GRM4: variants seen among roughly 807,000 people sequenced by gnomAD.
GRM4 encodes glutamate metabotropic receptor 4.
A neutral mutation model predicts 81.7 loss-of-function variants in GRM4; 28 were observed. That is an observed-to-expected ratio of 0.34 (90% CI 0.25 to 0.47). GRM4 has a LOEUF of 0.47. Among genes scored for constraint, GRM4 ranks in the 20% least tolerant of loss-of-function variants. The pLI is 1.00. For missense variants in GRM4, 948 were observed against 1,290.0 expected (o/e 0.73, Z 4.06); for synonymous variants, 488 against 528.8 (o/e 0.92, Z 1.06).
Position 34,092,390 on chromosome 6 carries a change from T to C in GRM4, c.520-291A>G, listed in dbSNP as rs147112882. Among the ~76,000 whole-genome samples, 1 of 152,032 alleles carries C rather than the reference T, an allele frequency of 6.6e-6. No individual in the cohort carries two copies. The highest frequency in any genetic ancestry group is 2.4e-5 in the African/African-American group (1 of 41,454). ...GGCTGCCTAAATTTACACAAAGAGC[T>C]CAAAGATCCCAGCCCAGGGAAAATC... On this transcript the variant is annotated intron_variant, in intron 2 of 10. Transcript: ENST00000538487. This position sits in a 1 kb window ranked among gnomAD's most constrained non-coding sequence, Gnocchi z 6.8.
At chr6:34,049,192 A>G (rs1765493872) in intron 6 of GRM4, among the ~76,000 whole-genome samples, 1 of 151,306 alleles carries the variant, frequency 6.6e-6, no homozygotes, top group Admixed American at 6.6e-5. Flanking sequence ...TTTTGCACCC[A>G]CCTCTCTAAG....
chr6:34,122,560 C>T (rs933489144), intron 2 of GRM4, among the ~76,000 whole-genome samples: 1 of 150,232 alleles, frequency 6.7e-6, no homozygotes, highest in Non-Finnish European at 1.5e-5. Context: ...CATAAAAATG[C>T]TAGTTTAGAA....
In GRM4 at chr6:34,059,074, C is replaced by T; in HGVS notation, c.927G>A (p.Met309Ile). ...RANQTGHFFWMGSDSWGSKIA... is the reference protein window; with the variant it reads ...RANQTGHFFWIGSDSWGSKIA... ...TCTTGGAGCCCCAGCTGTCAGAGCC[C>T]ATCCAGAAGAAATGGCCTGTCTGGT... The change falls in exon 5 of 11, where the codon ATG becomes ATA. Residue 309 changes from methionine (M) to isoleucine (I), a missense_variant. Met to Ile is a conservative substitution (Grantham distance 10). Transcript: ENST00000538487. The surrounding 1 kb of genome is among the most constrained non-coding windows in gnomAD (Gnocchi z 5.7). 6.2e-7 allele frequency: 1 copy of T among 1,613,954 alleles called. No homozygotes were observed.
intron 1 of GRM4, among the ~76,000 whole-genome samples, chr6:34,138,461 C>T (rs756291933): frequency 6.6e-6 from 1 of 152,206 alleles, no homozygotes; most frequent in Non-Finnish European, 1.5e-5. Context: ...TGTTTAGATG[C>T]CTCATCACCC....
intron 2 of GRM4, among the ~76,000 whole-genome samples, chr6:34,127,665 G>A (rs759979286): frequency 4.7e-4 from 71 of 152,156 alleles, no homozygotes; most frequent in Non-Finnish European, 8.7e-4. Flanking sequence ...GTAATGGGCT[G>A]GGTAAGAGAC....
rs1357528165 is a variant in GRM4 at position 34,024,479 on chromosome 6, G to C, written c.2690-1609C>G. On this transcript the variant is annotated intron_variant, in intron 10 of 10. Transcript: ENST00000538487. ...ACATCTGTCTGATTTGAGCTGCTCAGTTCTGGGACCTCTTTGTCACAGCAG... is the reference window on the plus strand; with the variant it reads ...ACATCTGTCTGATTTGAGCTGCTCACTTCTGGGACCTCTTTGTCACAGCAG... The C allele has an allele frequency of 1.7e-5, 6 of 359,016 alleles. No individual in the cohort carries two copies. The East Asian group carries it at 4.4e-4, about 27-fold the overall frequency. 22.2% of individuals were successfully genotyped at this position (359,016 alleles called of 1,614,324 possible). A position where few individuals can be genotyped will look rare whatever the true frequency, so the allele number is the denominator to read the frequency against.
At chr6:34,052,780 G>C (rs1209804084) in intron 6 of GRM4, among the ~76,000 whole-genome samples, 1 of 152,198 alleles carries the variant, frequency 6.6e-6, no homozygotes. Context: ...GGAAGGGCAG[G>C]GGTGGGCACT....
chr6:34,092,792 G>A lies in GRM4; in HGVS notation c.520-693C>T, dbSNP rs1768308547. Among the ~76,000 whole-genome samples the A allele has an allele frequency of 6.6e-6, 1 of 152,070 alleles. No individual in the cohort carries two copies. On this transcript the variant is annotated intron_variant, in intron 2 of 10. Coordinates refer to ENST00000538487, the MANE Select transcript of GRM4 (RefSeq NM_000841.4). This position sits in a 1 kb window ranked among gnomAD's most constrained non-coding sequence, Gnocchi z 6.8. ...CCCGGGGCCCTGCCCCAGCCCCGGG[G>A]CTTTCCAGTCACGGGGCATCTTCCC...
At chr6:34,101,503 TAC>T (rs530730728) in intron 2 of GRM4, among the ~76,000 whole-genome samples, 2 of 152,260 alleles carry the variant, frequency 1.3e-5, no homozygotes, top group African/African-American at 4.8e-5. Flanking sequence ...ATGCAACATC[TAC>T]ACACACACAC....
At position 34,069,580 on chromosome 6, in the gene GRM4, C is replaced by T. The variant is rs557875273; in HGVS notation, c.737-7552G>A. ...CCCCATCTGCTCCTGCGTGTGACCC[C>T]GCTCCCCAGCTCATCAGTCTCCAGC... On this transcript the variant is annotated intron_variant, in intron 3 of 10. Transcript: ENST00000538487. This position sits in a 1 kb window ranked among gnomAD's most constrained non-coding sequence, Gnocchi z 6.4. Among the ~76,000 whole-genome samples, 1 of 152,218 alleles carries T rather than the reference C, an allele frequency of 6.6e-6. No individual in the cohort carries two copies. The highest frequency in any genetic ancestry group is 2.4e-5 in the African/African-American group (1 of 41,536).
intron 2 of GRM4, among the ~76,000 whole-genome samples, chr6:34,105,616 C>T (rs1377651130): frequency 2.0e-5 from 3 of 152,148 alleles, no homozygotes; most frequent in South Asian, 2.1e-4. Context: ...CCACTCACTC[C>T]CTGGGGCCTG....
In GRM4 at chr6:34,080,226, A is replaced by G. The variant is rs1030960700; in HGVS notation, c.736+11657T>C. 7.9e-5 allele frequency among the ~76,000 whole-genome samples: 12 copies of G among 152,346 alleles called. No individual in the cohort carries two copies. Among genetic ancestry groups the G allele is most frequent in the Admixed American group, 7.2e-4 (11 of 15,308 alleles). On this transcript the variant is annotated intron_variant, in intron 3 of 10. Transcript: ENST00000538487. This position sits in a 1 kb window ranked among gnomAD's most constrained non-coding sequence, Gnocchi z 5.4. ...CCAAAAGTCACCCCTGCAGAAAGCCAGGGTGAGGACCGAAAGGCCGTCAAC... is the reference window on the plus strand; with the variant it reads ...CCAAAAGTCACCCCTGCAGAAAGCCGGGGTGAGGACCGAAAGGCCGTCAAC...
At chr6:34,067,325 A>G (rs374519326) in intron 3 of GRM4, among the ~76,000 whole-genome samples, 144 of 150,884 alleles carry the variant, frequency 9.5e-4, no homozygotes, top group African/African-American at 3.4e-3. Context: ...GGTCAGGTCT[A>G]TGTCCTTTCT....
chr6:34,022,530 G>A lies in GRM4; in HGVS notation c.*291C>T. Reference sequence around the variant, plus strand: ...AAGGGAGGGAGAGATCTAGCACTGGGGCCCACACGACCTGAGCCCCTGTGG... The same window carrying A: ...AAGGGAGGGAGAGATCTAGCACTGGAGCCCACACGACCTGAGCCCCTGTGG... On this transcript the variant is annotated 3_prime_UTR_variant, in exon 11 of 11. Transcript: ENST00000538487. The surrounding 1 kb of genome is among the most constrained non-coding windows in gnomAD (Gnocchi z 5.6). The A allele has an allele frequency of 4.0e-6, 2 of 495,664 alleles. No individual in the cohort carries two copies. Among genetic ancestry groups the A allele is most frequent in the Admixed American group, 3.3e-5 (1 of 29,998 alleles). 30.7% of individuals were successfully genotyped at this position (495,664 alleles called of 1,614,324 possible).
intron 10 of GRM4, among the ~76,000 whole-genome samples, chr6:34,026,838 G>C (rs1764156761): frequency 6.6e-6 from 1 of 152,186 alleles, no homozygotes; most frequent in Non-Finnish European, 1.5e-5. Flanking sequence ...AGGAGCACTG[G>C]GGAAAAGCAT....
chr6:34,088,469 A>C (rs193015750), intron 3 of GRM4, among the ~76,000 whole-genome samples: 1 of 152,320 alleles, frequency 6.6e-6, no homozygotes, highest in East Asian at 1.9e-4. Context: ...CACAGATAAG[A>C]AACTGAGCCC....
chr6:34,137,772 T>G lies in GRM4; in HGVS notation c.-363-3913A>C, dbSNP rs982269124. Among the ~76,000 whole-genome samples the G allele has an allele frequency of 1.1e-4, 13 of 122,884 alleles. No homozygotes were observed. In the South Asian group the frequency reaches 1.1e-3, roughly 10 times the overall value. 80.6% of individuals were successfully genotyped at this position (122,884 alleles called of 152,430 possible). On this transcript the variant is annotated intron_variant, in intron 1 of 10. Transcript: ENST00000538487. ...ATAATTTTTTTTTTTTTTTTTTTTT[T>G]GCAGAGATGACATCTCACTATGTCG... is the stretch of plus-strand genomic sequence containing the variant.
intron 2 of GRM4, chr6:34,110,791 C>A: frequency 7.1e-7 from 1 of 1,415,714 alleles, no homozygotes. Context: ...CCCTCCCTGG[C>A]CCAGGCTGCA....
intron 3 of GRM4, among the ~76,000 whole-genome samples, chr6:34,063,992 G>A (rs188300215): frequency 4.6e-5 from 7 of 152,188 alleles, no homozygotes; most frequent in African/African-American, 1.4e-4. Flanking sequence ...ATATTTCTGA[G>A]ATGCTCCTCT....
Sources: gnomAD v4.1 joint callset for allele counts (sites outside exome capture counted in the v4.1 genomes callset) on GRCh38, gnomAD v4.1.1 for gene constraint, Gnocchi (gnomAD v3.1) non-coding constraint, MANE v1.5 for transcripts, NCBI Gene and HGNC (gene_info 2026-07-23, HGNC 2026-07-21) for gene names.